Variants in ASNS observed in about 807,000 individuals in gnomAD.
ASNS encodes the protein asparagine synthetase (glutamine-hydrolyzing), also known as asparagine synthetase [glutamine-hydrolyzing].
ASNS carries 37 observed loss-of-function variants against 62.6 expected under a neutral mutation model. The ratio of observed to expected loss-of-function variants is 0.59; its 90% CI spans 0.45 to 0.78. The LOEUF (loss-of-function observed/expected upper bound fraction) is 0.78, where lower values mean the gene tolerates loss of function less well. ASNS is among the 30% of genes least tolerant of loss of function. The pLI, the probability that ASNS is intolerant of heterozygous loss-of-function variation, is 0.00. For missense variants in ASNS, 520 were observed against 682.4 expected (o/e 0.76, Z 2.65); for synonymous variants, 207 against 237.9 (o/e 0.87, Z 1.19).
the ASNS span, among the ~76,000 whole-genome samples, chr7:97,889,980 A>T: frequency 4.6e-5 from 7 of 151,072 alleles, no homozygotes; most frequent in African/African-American, 1.5e-4. Flanking sequence ...CAGTATCTGA[A>T]CGACAAATTC....
chr7:97,910,631 C>T, the ASNS span, among the ~76,000 whole-genome samples: 1 of 149,860 alleles, frequency 6.7e-6, no homozygotes, highest in African/African-American at 2.5e-5. Context: ...TCCAGAGTCT[C>T]GTTCTTGCCA....
the ASNS span, among the ~76,000 whole-genome samples, chr7:97,881,318 A>G: frequency 6.6e-6 from 1 of 152,142 alleles, no homozygotes; most frequent in Non-Finnish European, 1.5e-5. Flanking sequence ...ATCATTAAAT[A>G]CATTCACAAT....
chr7:97,884,253 AG>A, the ASNS span, among the ~76,000 whole-genome samples: 1 of 152,246 alleles, frequency 6.6e-6, no homozygotes, highest in South Asian at 2.1e-4. Context: ...ACTTCTTGAA[AG>A]TCCCTTAAAT....
chr7:97,858,767 T>C (rs530474003), intron 6 of ASNS, 87 bp downstream of exon 6: 1 of 1,229,008 alleles, frequency 8.1e-7, no homozygotes, highest in East Asian at 2.3e-5. Flanking sequence ...ACAGTAAATA[T>C]TTTATAGTAA....
chr7:97,862,993 CTGTT>C (rs535616656), intron 4 of ASNS: 2 of 152,160 alleles, frequency 1.3e-5, no homozygotes, highest in South Asian at 2.1e-4. Context: ...AAGTCACACA[CTGTT>C]TGTGAAGATG....
chr7:97,861,732 T>C (rs188723782), intron 4 of ASNS, among the ~76,000 whole-genome samples: 1 of 152,362 alleles, frequency 6.6e-6, no homozygotes, highest in Admixed American at 6.5e-5. Flanking sequence ...GGGATCAAGT[T>C]AAATCTGTAA....
At chr7:97,921,274 G>A in the ASNS span, among the ~76,000 whole-genome samples, 1 of 152,218 alleles carries the variant, frequency 6.6e-6, no homozygotes, top group Non-Finnish European at 1.5e-5. Flanking sequence ...ATCTAAGACT[G>A]TCGGGGTACA....
chr7:97,870,044 T>C (rs1309323258), intron 1 of ASNS: 1 of 260,732 alleles, frequency 3.8e-6, no homozygotes, highest in Non-Finnish European at 7.2e-6. Context: ...CTCATCCCTA[T>C]AAGCCCGGAA....
chr7:97,853,139 G>C lies in ASNS; in HGVS notation c.1397C>G (p.Pro466Arg). 1 of 1,611,192 alleles carries C rather than the reference G, an allele frequency of 6.2e-7. No homozygotes were observed. The highest frequency in any genetic ancestry group is 8.5e-7 in the Non-Finnish European group (1 of 1,179,168). Residue 466 changes from proline to arginine, a missense_variant, in exon 12 of 13, where the codon CCA becomes CGA. Physicochemically the swap from Pro to Arg is moderately radical, Grantham distance 103. Coordinates refer to ENST00000394308, the MANE Select transcript of ASNS (RefSeq NM_001673.5). ...TATTCCATCACTGAAGGCTTCTTTT[G>C]GTCGCCAGAGAATCTCTTTGGGTAT... Reference protein sequence around the residue: ...NLIPKEILWRPKEAFSDGITS... With the variant: ...NLIPKEILWRRKEAFSDGITS...
the ASNS span, among the ~76,000 whole-genome samples, chr7:97,884,272 AG>A: frequency 6.6e-6 from 1 of 151,664 alleles, no homozygotes; most frequent in Non-Finnish European, 1.5e-5. Flanking sequence ...AATCTGGCTG[AG>A]CGCAGTGGCT....
At chr7:97,924,875 A>T in the ASNS span, among the ~76,000 whole-genome samples, 2,535 of 152,256 alleles carry the variant, frequency 0.017, 34 homozygotes, top group East Asian at 0.11. Flanking sequence ...GGTGGCTCAC[A>T]CCTGTGATCT....
chr7:97,919,021 C>T, the ASNS span, among the ~76,000 whole-genome samples: 3 of 152,248 alleles, frequency 2.0e-5, no homozygotes, highest in African/African-American at 7.2e-5. Context: ...GAAGCAAGAT[C>T]AAGAAAAGCA....
chr7:97,877,572 C>T, the ASNS span, among the ~76,000 whole-genome samples: 1 of 152,170 alleles, frequency 6.6e-6, no homozygotes, highest in African/African-American at 2.4e-5. Flanking sequence ...TCATCAGATG[C>T]TCAGTGTCCT....
At chr7:97,876,144 G>A (rs1415269853), upstream of ASNS, among the ~76,000 whole-genome samples, 1 of 152,028 alleles carries the variant, frequency 6.6e-6, no homozygotes, top group Non-Finnish European at 1.5e-5. Context: ...GGCATGAGCC[G>A]CCGCACCCGG....
intron 4 of ASNS, among the ~76,000 whole-genome samples, chr7:97,861,247 C>T (rs1427535517): frequency 1.3e-5 from 2 of 152,022 alleles, no homozygotes; most frequent in Non-Finnish European, 2.9e-5. Context: ...CTCCTGACCT[C>T]GTGATCCACC....
the ASNS span, among the ~76,000 whole-genome samples, chr7:97,894,916 A>G: frequency 2.0e-5 from 3 of 152,230 alleles, no homozygotes; most frequent in African/African-American, 7.2e-5. Flanking sequence ...AGGACGCAAC[A>G]AAAGGAGAAA....
intron 4 of ASNS, chr7:97,863,166 T>C (rs1056688053): frequency 6.6e-6 from 1 of 152,168 alleles, no homozygotes; most frequent in Non-Finnish European, 1.5e-5. Flanking sequence ...ACACAAAAAC[T>C]TGTACACCAA....
the ASNS span, among the ~76,000 whole-genome samples, chr7:97,884,470 A>G: frequency 2.0e-5 from 3 of 151,772 alleles, no homozygotes; most frequent in Non-Finnish European, 4.4e-5. Flanking sequence ...AATCGCTTGA[A>G]CTCGGGAGGC....
chr7:97,857,861 C>A (rs1027523469), intron 7 of ASNS, among the ~76,000 whole-genome samples: 9 of 151,892 alleles, frequency 5.9e-5, no homozygotes, highest in African/African-American at 1.9e-4. Flanking sequence ...TACAGGCATG[C>A]GTCACCAAGC....
Sources: allele counts gnomAD v4.1 joint callset (sites outside exome capture counted in the v4.1 genomes callset), GRCh38; gene constraint gnomAD v4.1.1; transcripts MANE v1.5; gene names NCBI Gene and HGNC (gene_info 2026-07-23, HGNC 2026-07-21).